Variants in AKAP7 observed in about 807,000 individuals in gnomAD.
The protein encoded by AKAP7 is A kinase (PRKA) anchor protein 7.
In AKAP7, 39 loss-of-function variants were observed where a neutral mutation model predicts 39.5. That is an observed-to-expected ratio of 0.99 (90% confidence interval 0.76 to 1.29). The LOEUF is 1.29. Among genes scored for constraint, AKAP7 ranks in the 50% most tolerant of loss-of-function variants. The pLI is 0.00. For synonymous variants in AKAP7, 140 were observed against 139.1 expected (o/e 1.01, Z -0.05); for missense variants, 414 against 407.7 (o/e 1.02, Z -0.13).
chr6:131,212,729 G>A (rs117806829), intron 6 of AKAP7, among the ~76,000 whole-genome samples: 107 of 152,218 alleles, frequency 7.0e-4, no homozygotes, highest in East Asian at 2.7e-3. Context: ...GTTAAGTAAG[G>A]TATCCTATTG....
chr6:131,266,854 C>T (rs1464091887), intron 7 of AKAP7, among the ~76,000 whole-genome samples: 1 of 152,062 alleles, frequency 6.6e-6, no homozygotes, highest in African/African-American at 2.4e-5. Flanking sequence ...CTATTTGACC[C>T]ATTATTATTA....
chr6:131,233,116 CA>C (rs1467484535), intron 7 of AKAP7, among the ~76,000 whole-genome samples: 4 of 151,312 alleles, frequency 2.6e-5, no homozygotes, highest in African/African-American at 9.7e-5. Flanking sequence ...ACAAAGTTGG[CA>C]AATCTGTATA....
intron 5 of AKAP7, chr6:131,185,407 G>A (rs762979838): frequency 2.0e-5 from 10 of 509,448 alleles, no homozygotes; most frequent in Non-Finnish European, 3.4e-5. Flanking sequence ...GGTGGGCATT[G>A]TAATTGTGGC....
At chr6:131,213,488 C>T (rs1398951942) in intron 6 of AKAP7, among the ~76,000 whole-genome samples, 1 of 152,072 alleles carries the variant, frequency 6.6e-6, no homozygotes, top group Non-Finnish European at 1.5e-5. Flanking sequence ...GAACATGTAC[C>T]AAAGAGCAAA....
At position 131,159,911 on chromosome 6, in the gene AKAP7, C is replaced by G. The variant is rs1481220672; in HGVS notation, c.152-148C>G. 5 of 714,978 alleles carry G rather than the reference C, an allele frequency of 7.0e-6. No individual in the cohort carries two copies. The African/African-American group carries it at 9.3e-5, about 13-fold the overall frequency. 44.3% of individuals were successfully genotyped at this position (714,978 alleles called of 1,614,324 possible). A position where few individuals can be genotyped will look rare whatever the true frequency, so the allele number is the denominator to read the frequency against. On this transcript the variant is annotated intron_variant, in intron 2 of 7. Transcript: ENST00000431975. The stretch of plus-strand genomic sequence containing the variant: ...ATGCCTAAACTATTTACTATGAGGT[C>G]CTTTACAGAAATGTTTGCAAACTCC...
At chr6:131,134,132 T>C (rs1390843207), upstream of AKAP7, among the ~76,000 whole-genome samples, 4 of 152,144 alleles carry the variant, frequency 2.6e-5, no homozygotes, top group African/African-American at 9.7e-5. Flanking sequence ...TCACCACGTC[T>C]GGTTAATTTT....
chr6:131,192,870 C>A (rs776125901), intron 5 of AKAP7, among the ~76,000 whole-genome samples: 7 of 151,968 alleles, frequency 4.6e-5, no homozygotes, highest in Non-Finnish European at 8.8e-5. Context: ...TTTTGGATTT[C>A]TTTTTCAGGT....
intron 1 of AKAP7, chr6:131,137,384 CTT>C (rs398066280): frequency 3.5e-4 from 50 of 143,476 alleles, no homozygotes; most frequent in Admixed American, 3.5e-4. Context: ...TTTTCTCTCT[CTT>C]TTTTTTTTTT....
At position 131,182,027 on chromosome 6, in the gene AKAP7, GA is replaced by G. The variant is rs147363467; in HGVS notation, c.589+12755del. Among the ~76,000 whole-genome samples, 1,206 of 152,154 alleles carry G rather than the reference GA, an allele frequency of 7.9e-3. 11 individuals carry two copies. Among genetic ancestry groups the G allele is most frequent in the African/African-American group, 0.027 (1,124 of 41,498 alleles). On this transcript the variant is annotated intron_variant, in intron 5 of 7. Coordinates refer to ENST00000431975, the MANE Select transcript of AKAP7 (RefSeq NM_016377.4). ...TGTGATCTCACCTGCTCAGGAGGCT[GA>G]GGCAGGGGAATCGCATGAACCCAAG...
chr6:131,200,318 C>G (rs1229013326), intron 6 of AKAP7, among the ~76,000 whole-genome samples: 4 of 152,102 alleles, frequency 2.6e-5, no homozygotes, highest in Admixed American at 2.6e-4. Flanking sequence ...ATTTTGTTTC[C>G]TATTTCAGCC....
chr6:131,160,418 AC>A (rs376711316), intron 3 of AKAP7, among the ~76,000 whole-genome samples: 1 of 152,314 alleles, frequency 6.6e-6, no homozygotes, highest in African/African-American at 2.4e-5. Context: ...TTGCTCTGGC[AC>A]CCAGGCTGGA....
chr6:131,152,856 C>A (rs1325034124), intron 2 of AKAP7, among the ~76,000 whole-genome samples: 4 of 135,360 alleles, frequency 3.0e-5, no homozygotes, highest in Non-Finnish European at 4.7e-5. Context: ...AGTCCGGGCG[C>A]GCTGGCTCAC....
chr6:131,246,459 C>T (rs1217217245), intron 7 of AKAP7, among the ~76,000 whole-genome samples: 2 of 152,092 alleles, frequency 1.3e-5, no homozygotes, highest in Non-Finnish European at 1.5e-5. Flanking sequence ...GGTTAACCTT[C>T]TTTTTTAAAT....
chr6:131,271,274 G>T (rs948708646), intron 7 of AKAP7, among the ~76,000 whole-genome samples: 5 of 152,036 alleles, frequency 3.3e-5, no homozygotes, highest in African/African-American at 1.2e-4. Flanking sequence ...TTTGCATATG[G>T]ATATATAATT....
At chr6:131,256,525 G>A (rs1036362648) in intron 7 of AKAP7, among the ~76,000 whole-genome samples, 2 of 151,964 alleles carry the variant, frequency 1.3e-5, no homozygotes, top group Non-Finnish European at 2.9e-5. Context: ...ATTATTCCCA[G>A]CCCCCAGTAG....
At chr6:131,235,695 C>A (rs1314387668) in intron 7 of AKAP7, among the ~76,000 whole-genome samples, 1 of 152,220 alleles carries the variant, frequency 6.6e-6, no homozygotes, top group Non-Finnish European at 1.5e-5. Context: ...CTTTTGGCTG[C>A]ATAAATGTCT....
At chr6:131,155,490 T>C (rs182262296) in intron 2 of AKAP7, among the ~76,000 whole-genome samples, 1 of 152,346 alleles carries the variant, frequency 6.6e-6, no homozygotes, top group East Asian at 1.9e-4. Context: ...TTGATGGTCA[T>C]TGGGTTGATC....
intron 2 of AKAP7, among the ~76,000 whole-genome samples, chr6:131,155,560 G>T (rs960323589): frequency 6.6e-6 from 1 of 152,018 alleles, no homozygotes; most frequent in African/African-American, 2.4e-5. Flanking sequence ...GCATTAATTA[G>T]CTTGAAATTT....
intron 5 of AKAP7, among the ~76,000 whole-genome samples, chr6:131,187,712 GAAAA>G (rs1351441468): frequency 6.6e-6 from 1 of 151,664 alleles, no homozygotes; most frequent in South Asian, 2.1e-4. Context: ...ATAAAGCAAT[GAAAA>G]AAAAGTGTGA....
Sources: gnomAD v4.1 joint callset for allele counts (sites outside exome capture counted in the v4.1 genomes callset) on GRCh38, gnomAD v4.1.1 for gene constraint, MANE v1.5 for transcripts, NCBI Gene and HGNC (gene_info 2026-07-23, HGNC 2026-07-21) for gene names.